The following FOXP1 variants were observed in gnomAD, a reference collection of about 807,000 sequenced individuals.
The protein encoded by FOXP1 is forkhead box P1.
In FOXP1, 15 loss-of-function variants were observed where a neutral mutation model predicts 98.2. The observed-to-expected ratio is 0.15, with a 90% confidence interval of 0.10 to 0.24. FOXP1 has a LOEUF of 0.24. FOXP1 is among the 10% of genes least tolerant of loss of function. The pLI, the probability that FOXP1 is intolerant of heterozygous loss-of-function variation, is 1.00. For synonymous variants in FOXP1, 371 were observed against 314.5 expected, an observed-to-expected ratio of 1.18 and a Z score of -1.90; for missense variants, 633 against 848.5, an observed-to-expected ratio of 0.75 and a Z score of 3.15.
At chr3:71,288,729 AAACTTCACAAAAATGAGTGC>A (rs777773948) in intron 5 of FOXP1, among the ~76,000 whole-genome samples, 94 of 152,294 alleles carry the variant, frequency 6.2e-4, no homozygotes, top group Admixed American at 1.8e-3. Context: ...ACTATGACCC[AAACTTCACAAAAATGAGTGC>A]AAGGGGTGGG....
At chr3:71,080,681 C>G (rs1490203379) in intron 7 of FOXP1, among the ~76,000 whole-genome samples, 1 of 152,240 alleles carries the variant, frequency 6.6e-6, no homozygotes, top group South Asian at 2.1e-4. Context: ...TCCTTTGGAA[C>G]ACTTCAAATC....
intron 11 of FOXP1, among the ~76,000 whole-genome samples, chr3:71,031,455 T>A (rs1000317447): frequency 6.6e-6 from 1 of 152,164 alleles, no homozygotes; most frequent in Non-Finnish European, 1.5e-5. Flanking sequence ...CTTGGGTATA[T>A]AAATGGAGAA....
intron 5 of FOXP1, among the ~76,000 whole-genome samples, chr3:71,203,581 G>T (rs1428762044): frequency 6.6e-6 from 1 of 152,168 alleles, no homozygotes; most frequent in Non-Finnish European, 1.5e-5. Flanking sequence ...CTAACAAAAA[G>T]TTCAGTCTTG....
intron 6 of FOXP1, among the ~76,000 whole-genome samples, chr3:71,141,660 G>T (rs1422648394): frequency 6.6e-6 from 1 of 152,206 alleles, no homozygotes; most frequent in Admixed American, 6.5e-5. Context: ...CTAGGAGGGA[G>T]AACAAGACAG....
At chr3:71,267,118 G>GAA (rs1553808465) in intron 5 of FOXP1, among the ~76,000 whole-genome samples, 3 of 143,300 alleles carry the variant, frequency 2.1e-5, no homozygotes, top group African/African-American at 7.9e-5. Flanking sequence ...GCATTTTATG[G>GAA]GAGAGAGTGT....
intron 3 of FOXP1, among the ~76,000 whole-genome samples, chr3:71,363,637 G>T (rs1189410331): frequency 6.6e-6 from 1 of 152,138 alleles, no homozygotes; most frequent in Admixed American, 6.5e-5. Context: ...GCACCTCTGG[G>T]CAGTTTATGT....
At chr3:71,260,130 C>T (rs2068978976) in intron 5 of FOXP1, among the ~76,000 whole-genome samples, 1 of 152,178 alleles carries the variant, frequency 6.6e-6, no homozygotes, top group Non-Finnish European at 1.5e-5. Flanking sequence ...ACTACAGGCA[C>T]CTGCCACCAC....
At chr3:71,218,495 T>C (rs970074118) in intron 5 of FOXP1, among the ~76,000 whole-genome samples, 2 of 152,200 alleles carry the variant, frequency 1.3e-5, no homozygotes, top group Non-Finnish European at 2.9e-5. Context: ...GAGCATCCCC[T>C]TCCTCTGCTC....
At chr3:71,403,632 T>G (rs1433737981) in intron 3 of FOXP1, among the ~76,000 whole-genome samples, 2 of 152,220 alleles carry the variant, frequency 1.3e-5, no homozygotes, top group African/African-American at 4.8e-5. Context: ...GTGGATCACT[T>G]GCACCTAGGA....
intron 3 of FOXP1, among the ~76,000 whole-genome samples, chr3:71,450,092 G>C (rs2086802116): frequency 6.6e-6 from 1 of 152,116 alleles, no homozygotes; most frequent in Non-Finnish European, 1.5e-5. Context: ...CAAATAAACA[G>C]GTTTCTAAAT....
At chr3:71,169,275 G>T (rs535049326) in intron 6 of FOXP1, among the ~76,000 whole-genome samples, 21 of 152,214 alleles carry the variant, frequency 1.4e-4, no homozygotes, top group Non-Finnish European at 7.4e-5. Flanking sequence ...CTGCCCTAGC[G>T]TCTTCTAAAC....
chr3:71,426,541 G>A (rs962509379), intron 3 of FOXP1, among the ~76,000 whole-genome samples: 1 of 152,138 alleles, frequency 6.6e-6, no homozygotes, highest in African/African-American at 2.4e-5. Context: ...ATAAAGGGAG[G>A]GTTACTGTGG....
At position 71,472,867 on chromosome 3, in the gene FOXP1, C is replaced by T. The variant is rs527606036; in HGVS notation, c.-168+20559G>A. On this transcript the variant is annotated intron_variant, in intron 3 of 20. Transcript: ENST00000649528. Reference sequence around the variant, plus strand: ...AGCTGCCATTTATGGTGTGCTCCAACCACATGCAGGCATTGCACTCCAGGG... The same window carrying T: ...AGCTGCCATTTATGGTGTGCTCCAATCACATGCAGGCATTGCACTCCAGGG... Among the ~76,000 whole-genome samples, 90 of 152,280 alleles carry T rather than the reference C, an allele frequency of 5.9e-4. 1 individual carries two copies. The South Asian group carries it at 0.015, about 26-fold the overall frequency.
chr3:71,011,978 C>T (rs1447017049), intron 12 of FOXP1, among the ~76,000 whole-genome samples: 3 of 152,008 alleles, frequency 2.0e-5, no homozygotes, highest in East Asian at 3.9e-4. Context: ...ATAAATATAA[C>T]CTAATTGTCA....
chr3:71,317,211 T>C (rs187815732), intron 4 of FOXP1, among the ~76,000 whole-genome samples: 2 of 152,294 alleles, frequency 1.3e-5, no homozygotes, highest in East Asian at 3.9e-4. Flanking sequence ...TGCTAAAATA[T>C]ATAGGAAAGG....
chr3:71,298,780 G>A (rs867508388), intron 5 of FOXP1, among the ~76,000 whole-genome samples: 33 of 152,070 alleles, frequency 2.2e-4, no homozygotes, highest in African/African-American at 7.5e-4. Context: ...CCAAGCCCCA[G>A]GTGAGACTTA....
At chr3:71,156,947 A>G (rs1476762733) in intron 6 of FOXP1, among the ~76,000 whole-genome samples, 2 of 152,224 alleles carry the variant, frequency 1.3e-5, no homozygotes, top group Non-Finnish European at 2.9e-5. Flanking sequence ...GCTGGTGAAC[A>G]GTGCATGTCC....
intron 14 of FOXP1, among the ~76,000 whole-genome samples, chr3:70,982,443 A>G (rs1014617063): frequency 1.2e-4 from 18 of 152,204 alleles, no homozygotes; most frequent in African/African-American, 4.3e-4. Context: ...TTCCTTTTCT[A>G]TTTAAAAGAA....
At chr3:71,582,346 G>T (rs1026483140) in intron 1 of FOXP1, 2 of 968,230 alleles carry the variant, frequency 2.1e-6, no homozygotes, top group Non-Finnish European at 2.5e-6. Flanking sequence ...GCGACCCCGC[G>T]GCAACTGGCA....
Sources: allele counts gnomAD v4.1 joint callset (sites outside exome capture counted in the v4.1 genomes callset), GRCh38; gene constraint gnomAD v4.1.1; transcripts MANE v1.5; gene names NCBI Gene and HGNC (gene_info 2026-07-23, HGNC 2026-07-21).